The following POLR2F variants were observed in gnomAD, a reference collection of about 807,000 sequenced individuals.
POLR2F encodes RNA polymerase II, I and III subunit F, also known as DNA-directed RNA polymerases I, II, and III subunit RPABC2.
A neutral mutation model predicts 22.7 loss-of-function variants in POLR2F; 12 were observed. That is an observed-to-expected ratio of 0.53 (90% CI 0.34 to 0.86). The LOEUF (loss-of-function observed/expected upper bound fraction) is 0.86. Ranked by LOEUF, POLR2F falls within the 40% of genes least tolerant of loss-of-function variation. POLR2F has a pLI of 0.02. For synonymous variants in POLR2F, 57 were observed against 66.0 expected (o/e 0.86, Z 0.66); for missense variants, 126 against 171.5 (o/e 0.73, Z 1.48).
intron 3 of POLR2F, among the ~76,000 whole-genome samples, chr22:37,966,535 G>T (rs60042162): frequency 0.035 from 5,328 of 152,248 alleles, 305 homozygotes; most frequent in African/African-American, 0.12. Context: ...CAATCTGGAA[G>T]GCTGAGGCAG....
downstream of POLR2F, chr22:38,041,651 A>G (rs984918563): frequency 1.3e-5 from 2 of 152,886 alleles, no homozygotes; most frequent in Non-Finnish European, 2.9e-5. Context: ...AACTGAGGCA[A>G]GAGACATTAA....
chr22:37,969,575 C>T (rs1931984148), downstream of POLR2F, among the ~76,000 whole-genome samples: 1 of 152,150 alleles, frequency 6.6e-6, no homozygotes, highest in Non-Finnish European at 1.5e-5. Flanking sequence ...GGATGTGCCC[C>T]CTGCTCCCCA....
chr22:37,960,228 C>CTTTTT (rs1242397751), intron 3 of POLR2F, among the ~76,000 whole-genome samples: 1 of 139,228 alleles, frequency 7.2e-6, no homozygotes. Context: ...ATTTTCTTTT[C>CTTTTT]TTTTTTTTTT....
chr22:37,990,707 C>T (rs1569174289), intron 1 of POLR2F, among the ~76,000 whole-genome samples: 1 of 152,264 alleles, frequency 6.6e-6, no homozygotes, highest in East Asian at 1.9e-4. Context: ...GGGTCAAGAC[C>T]CAATGGCTGT....
intron 1 of POLR2F, among the ~76,000 whole-genome samples, chr22:38,008,312 G>A (rs2084840982): frequency 6.6e-6 from 1 of 151,970 alleles, no homozygotes; most frequent in Non-Finnish European, 1.5e-5. Context: ...CACTTTGAGA[G>A]CCCCAGGTGG....
At chr22:37,985,860 C>A (rs1411647186), upstream of POLR2F, among the ~76,000 whole-genome samples, 1 of 151,680 alleles carries the variant, frequency 6.6e-6, no homozygotes, top group African/African-American at 2.4e-5. Flanking sequence ...CACATGCTCA[C>A]ACACACAACC....
chr22:38,001,469 G>C lies in POLR2F; in HGVS notation c.120+15157G>C, dbSNP rs1459713929. 3.9e-5 allele frequency among the ~76,000 whole-genome samples: 6 copies of C among 152,226 alleles called. No individual in the cohort carries two copies. The East Asian group carries it at 1.2e-3, about 29-fold the overall frequency. ...CGAATTTATTCATTTTGGGGACACA[G>C]AGAGCGATGAGCACTGGGATGGAGA... On this transcript the variant is annotated intron_variant, in intron 1 of 2. Coordinates refer to the POLR2F transcript ENST00000333418.
At chr22:38,000,269 C>G (rs777989629) in intron 1 of POLR2F, among the ~76,000 whole-genome samples, 25 of 152,168 alleles carry the variant, frequency 1.6e-4, no homozygotes, top group Non-Finnish European at 2.6e-4. Context: ...CCAGCCGGAC[C>G]TTCTTATTGT....
At chr22:38,001,009 C>T (rs2084764111) in intron 1 of POLR2F, among the ~76,000 whole-genome samples, 1 of 152,058 alleles carries the variant, frequency 6.6e-6, no homozygotes, top group Non-Finnish European at 1.5e-5. Context: ...CTGCGTCTTG[C>T]CTGGAAGCAG....
At chr22:37,972,489 A>G (rs533332512), downstream of POLR2F, 1 of 319,760 alleles carries the variant, frequency 3.1e-6, no homozygotes, top group East Asian at 8.6e-5. Context: ...ACTTTATTCA[A>G]ATACCACTGG....
intron 1 of POLR2F, among the ~76,000 whole-genome samples, chr22:38,007,046 G>A (rs1443622003): frequency 6.6e-6 from 1 of 152,172 alleles, no homozygotes; most frequent in Non-Finnish European, 1.5e-5. Context: ...ACAGGGAATT[G>A]AGCTGAGAGG....
chr22:37,956,865 C>T (rs1383014990), intron 2 of POLR2F, 23 bp downstream of exon 2: 1 of 1,586,134 alleles, frequency 6.3e-7, no homozygotes, highest in Non-Finnish European at 8.7e-7. Context: ...CCTCAGGCTC[C>T]CACCTCTGCA....
intron 1 of POLR2F, among the ~76,000 whole-genome samples, chr22:38,007,693 A>G (rs1184177850): frequency 6.6e-6 from 1 of 152,222 alleles, no homozygotes; most frequent in Non-Finnish European, 1.5e-5. Context: ...TGGGCCCATC[A>G]GCAGCAGCAG....
At chr22:38,026,314 CA>C (rs2085009926) in exon 3 of POLR2F, 1 of 532,152 alleles carries the variant, frequency 1.9e-6, no homozygotes, top group Non-Finnish European at 3.9e-6. Context: ...CAAGTGAGAA[CA>C]GATGAAAGAG....
chr22:38,023,425 G>A (rs920075474), intron 1 of POLR2F, among the ~76,000 whole-genome samples: 6 of 151,722 alleles, frequency 4.0e-5, no homozygotes, highest in Admixed American at 6.6e-5. Flanking sequence ...TAAGGGACTC[G>A]TGCCTTTTTT....
At chr22:38,000,895 C>A (rs1158832687) in intron 1 of POLR2F, among the ~76,000 whole-genome samples, 1 of 152,142 alleles carries the variant, frequency 6.6e-6, no homozygotes, top group African/African-American at 2.4e-5. Context: ...CATTCCAGTT[C>A]TCAGCACAGC....
At chr22:37,999,974 C>T (rs932747049) in intron 1 of POLR2F, among the ~76,000 whole-genome samples, 1 of 152,228 alleles carries the variant, frequency 6.6e-6, no homozygotes, top group African/African-American at 2.4e-5. Flanking sequence ...ACCTGGCAGC[C>T]TGTGCCCGCT....
chr22:38,010,732 T>A (rs938383673), intron 1 of POLR2F, among the ~76,000 whole-genome samples: 1 of 146,146 alleles, frequency 6.8e-6, no homozygotes, highest in Non-Finnish European at 1.5e-5. Flanking sequence ...TTCTCCTGCC[T>A]CAGCCTCCCA....
chr22:37,973,314 G>A (rs2145759988), downstream of POLR2F: 4 of 574,374 alleles, frequency 7.0e-6, no homozygotes, highest in East Asian at 5.6e-5. Context: ...TGCTGCTGGA[G>A]CCTGGATGGG....
Sources: allele counts gnomAD v4.1 joint callset (sites outside exome capture counted in the v4.1 genomes callset), GRCh38; gene constraint gnomAD v4.1.1; transcripts MANE v1.5; gene names NCBI Gene and HGNC (gene_info 2026-07-23, HGNC 2026-07-21).